The following PIEZO1 variants were observed in gnomAD, a reference collection of about 807,000 sequenced individuals.
PIEZO1 encodes piezo-type mechanosensitive ion channel component 1.
In PIEZO1, 296 loss-of-function variants were observed where a neutral mutation model predicts 297.2. That is an observed-to-expected ratio of 1.00 (90% CI 0.91 to 1.10). The LOEUF (loss-of-function observed/expected upper bound fraction) is 1.10, where lower values mean the gene tolerates loss of function less well. PIEZO1 is among the 50% of genes least tolerant of loss of function. The pLI is 0.00. For missense variants in PIEZO1, 5,018 were observed against 3,455.5 expected (o/e 1.45, Z -11.34); for synonymous variants, 2,427 against 1,507.5 (o/e 1.61, Z -14.13).
In PIEZO1 at chr16:88,717,128, G is replaced by A. The variant is rs1264046469; in HGVS notation, c.6555C>T (p.Ala2185=). The A allele has an allele frequency of 9.7e-6, 15 of 1,551,440 alleles. No individual in the cohort carries two copies. In the East Asian group the frequency reaches 3.4e-4, roughly 35 times the overall value. Residue 2185 remains alanine (A), a synonymous_variant, in exon 45 of 51, where the codon GCC becomes GCT. Coordinates refer to ENST00000301015, the MANE Select transcript of PIEZO1 (RefSeq NM_001142864.4). ...TGAAGAGCAGTGGGAACCAGATGATGGCGATGAGGAAGAGGATGATGAGGC... is the reference window on the plus strand; with the variant it reads ...TGAAGAGCAGTGGGAACCAGATGATAGCGATGAGGAAGAGGATGATGAGGC... ...MGGLIILFLI[A]IIWFPLLFMS...
chr16:88,775,123 G>A (rs1907599268), intron 1 of PIEZO1, among the ~76,000 whole-genome samples: 1 of 152,230 alleles, frequency 6.6e-6, no homozygotes, highest in Admixed American at 6.5e-5. Flanking sequence ...GAGGGGACCA[G>A]GGACTCCGGA....
In PIEZO1 at chr16:88,726,884, G is replaced by A. The variant is rs943836796; in HGVS notation, c.3530C>T (p.Thr1177Met). The change falls in exon 25 of 51, where the codon ACG becomes ATG. Residue 1177 changes from threonine (T) to methionine (M), a missense_variant. Thr to Met is a moderately conservative substitution (Grantham distance 81, BLOSUM62 -1). Transcript: ENST00000301015. ...FWLVLVVVFV[T>M]GATRISIFGL... Reference sequence around the variant, plus strand: ...GAAGATGCTGATGCGGGTGGCCCCCGTGACAAACACCACCACCAGCACCAG... The same window carrying A: ...GAAGATGCTGATGCGGGTGGCCCCCATGACAAACACCACCACCAGCACCAG... 2.3e-5 allele frequency: 35 copies of A among 1,550,274 alleles called. No individual in the cohort carries two copies. Among genetic ancestry groups the A allele is most frequent in the Non-Finnish European group, 2.5e-5 (29 of 1,146,932 alleles).
rs1309340833 is a variant in PIEZO1, at chr16:88,734,064, G to A, written c.2181-10C>T. On this transcript the variant is annotated splice_polypyrimidine_tract_variant and intron_variant, in intron 16 of 50. Coordinates refer to ENST00000301015, the MANE Select transcript of PIEZO1 (RefSeq NM_001142864.4). ...ACTCACTGCATCCTGCCTGGGAGAG[G>A]GTCCGAAAATGTCATCTCCCAACTG... The A allele has an allele frequency of 4.0e-6, 6 of 1,495,904 alleles. No individual in the cohort carries two copies. Among genetic ancestry groups the A allele is most frequent in the East Asian group, 2.5e-5 (1 of 40,108 alleles). The allele number at this position is 1,495,904 out of a possible 1,614,324, so 92.7% of individuals were successfully genotyped here.
At chr16:88,725,544 G>A (rs558991158) in intron 28 of PIEZO1, 25 bp from the exon 29 acceptor site, 32 of 1,535,560 alleles carry the variant, frequency 2.1e-5, no homozygotes, top group East Asian at 4.9e-5. Context: ...GGTGGGGTAT[G>A]CTGAGCATTG....
At position 88,732,743 on chromosome 16, in the gene PIEZO1, G is replaced by A. The variant is rs1051672760; in HGVS notation, c.2665-11C>T. 6 of 1,537,890 alleles carry A rather than the reference G, an allele frequency of 3.9e-6. No individual in the cohort carries two copies. In the African/African-American group the frequency reaches 4.1e-5, roughly 11 times the overall value. ...GCTGTTGGGGAAGGGCTGGCAAGAG[G>A]CCAGGCATCAGTGCCCCCTCCCAGG... On this transcript the variant is annotated splice_polypyrimidine_tract_variant and intron_variant, in intron 19 of 50. Transcript: ENST00000301015.
At chr16:88,734,290 C>T in intron 16 of PIEZO1, 66 bp downstream of exon 16, 2 of 1,395,934 alleles carry the variant, frequency 1.4e-6, no homozygotes, top group Non-Finnish European at 1.9e-6. Context: ...CAACTCCCAC[C>T]TGGCTCCCTC....
chr16:88,725,231 C>T (rs1320211386), intron 29 of PIEZO1, among the ~76,000 whole-genome samples, 151 bp from the exon 30 acceptor site: 1 of 152,174 alleles, frequency 6.6e-6, no homozygotes, highest in East Asian at 1.9e-4. Flanking sequence ...GGCTCAGAGC[C>T]CATGTGCGTG....
chr16:88,732,574 C>T (rs1323327582), intron 20 of PIEZO1, 33 bp downstream of exon 20: 3 of 1,543,194 alleles, frequency 1.9e-6, no homozygotes, highest in South Asian at 1.2e-5. Context: ...CGGGTACTCG[C>T]CCGCCCAGCC....
Position 88,720,496 on chromosome 16 carries a change from G to C in PIEZO1, c.5838C>G (p.Phe1946Leu). 1 of 1,550,334 alleles carries C rather than the reference G, an allele frequency of 6.5e-7. No homozygotes were observed. Among genetic ancestry groups the C allele is most frequent in the Non-Finnish European group, 8.7e-7 (1 of 1,146,976 alleles). Residue 1946 changes from phenylalanine to leucine, a missense_variant, in exon 41 of 51, where the codon TTC (phenylalanine) becomes TTG (leucine). Coordinates refer to ENST00000301015, the MANE Select transcript of PIEZO1 (RefSeq NM_001142864.4). ...QGTYRPLRRF[F>L]HDILHTKYRA... is the part of the protein sequence containing the mutation. ...GGTACTTGGTGTGCAGGATGTCGTG[G>C]AAGAAGCGCCGTAGCGGCCGATATG...
At position 88,727,409 on chromosome 16, in the gene PIEZO1, TGC is replaced by T. The variant is rs1271183874; in HGVS notation, c.3301+146_3301+147del. The T allele has an allele frequency of 6.2e-6, 4 of 647,534 alleles. No homozygotes were observed. The African/African-American group carries it at 7.5e-5, about 12-fold the overall frequency. The allele number at this position is 647,534 out of a possible 1,614,324, so 40.1% of individuals were successfully genotyped here. ...GCACACAGGCTGAGGTCTGCGTGCG[TGC>T]GTGCGAGGTCAGGGCCTGCAGGCCG... On this transcript the variant is annotated intron_variant, in intron 23 of 50. Transcript: ENST00000301015.
At chr16:88,771,382 G>A (rs780331418) in intron 1 of PIEZO1, among the ~76,000 whole-genome samples, 20 of 152,272 alleles carry the variant, frequency 1.3e-4, no homozygotes, top group Middle Eastern at 3.4e-3. Context: ...CTAGGAGTGC[G>A]GCGACAACAA....
chr16:88,783,227 G>T (rs1908016097), intron 1 of PIEZO1, among the ~76,000 whole-genome samples: 1 of 152,162 alleles, frequency 6.6e-6, no homozygotes, highest in South Asian at 2.1e-4. Flanking sequence ...CAGGCCCCCT[G>T]ACCAATGCCC....
Position 88,742,306 on chromosome 16 carries a change from GT to G in PIEZO1, c.276del (p.Ser94AlafsTer12). 4 of 1,533,204 alleles carry G rather than the reference GT, an allele frequency of 2.6e-6. No individual in the cohort carries two copies. Among genetic ancestry groups the G allele is most frequent in the Non-Finnish European group, 3.5e-6 (4 of 1,145,374 alleles). 95.0% of individuals were successfully genotyped at this position (1,533,204 alleles called of 1,614,324 possible). ...HIVPRLDQLL[G>X]PSCSRWETLS... ...CGCCCCCTCAGCGACTCACAGCTGG[GT>G]CCCAGGAGCTGGTCCAGGCGGGGCA... On this transcript the variant is annotated frameshift_variant, in exon 3 of 51. Transcript: ENST00000301015. LOFTEE classifies it high-confidence loss of function.
intron 1 of PIEZO1, among the ~76,000 whole-genome samples, chr16:88,755,697 C>T (rs1001241748): frequency 4.6e-5 from 7 of 152,184 alleles, no homozygotes; most frequent in Admixed American, 1.3e-4. Flanking sequence ...CGAACGGTGG[C>T]GCCTACCCTC....
Position 88,715,507 on chromosome 16 carries a change from G to A in PIEZO1, c.*98C>T. On this transcript the variant is annotated 3_prime_UTR_variant, in exon 51 of 51. Coordinates refer to ENST00000301015, the MANE Select transcript of PIEZO1 (RefSeq NM_001142864.4). ...GGATGCATCACAGCTGGCGGCCTTG[G>A]ACGGGGCAGTGGCTCCCCCGGCCTG... 1 of 1,283,198 alleles carries A rather than the reference G, an allele frequency of 7.8e-7. No individual in the cohort carries two copies. The allele number at this position is 1,283,198 out of a possible 1,614,324, so 79.5% of individuals were successfully genotyped here. A position where few individuals can be genotyped will look rare whatever the true frequency, so the allele number is the denominator to read the frequency against.
At chr16:88,726,258 T>A (rs191375467) in intron 27 of PIEZO1, 26 bp downstream of exon 27, 75 of 1,533,684 alleles carry the variant, frequency 4.9e-5, no homozygotes. Context: ...ACGGGAGCTC[T>A]GGGCTGTGTC....
At chr16:88,750,179 T>C (rs1294747665) in intron 1 of PIEZO1, among the ~76,000 whole-genome samples, 1 of 151,080 alleles carries the variant, frequency 6.6e-6, no homozygotes, top group Non-Finnish European at 1.5e-5. Flanking sequence ...GACAAAAAAA[T>C]ACAAAAATTA....
chr16:88,733,734 A>G lies in PIEZO1; in HGVS notation c.2341T>C (p.Trp781Arg). The G allele has an allele frequency of 1.3e-6, 2 of 1,544,802 alleles. No individual in the cohort carries two copies. The highest frequency in any genetic ancestry group is 1.7e-6 in the Non-Finnish European group (2 of 1,143,878). The part of the protein sequence containing the change: ...ATQVPEGAAK[W>R]GLVAERLLEL... ...AGCAGCCGCTCAGCCACCAGGCCCCACTTGGCTGCCCCTGTGATGGTGTGA... is the reference window on the plus strand; with the variant it reads ...AGCAGCCGCTCAGCCACCAGGCCCCGCTTGGCTGCCCCTGTGATGGTGTGA... The change falls in exon 18 of 51, where the codon TGG (tryptophan) becomes CGG (arginine). Residue 781 changes from tryptophan to arginine, a missense_variant. Trp to Arg is a moderately radical substitution (Grantham distance 101). Transcript: ENST00000301015.
Position 88,719,797 on chromosome 16 carries a change from C to T in PIEZO1, c.6323+5G>A. On this transcript the variant is annotated splice_donor_5th_base_variant and intron_variant, in intron 43 of 50. Coordinates refer to ENST00000301015, the MANE Select transcript of PIEZO1 (RefSeq NM_001142864.4). Reference sequence around the variant, plus strand: ...TGACCCCCACCCCGGCGGACCTGCACTCACCCCTGGAAGAGGAAGAGGTTG... The same window carrying T: ...TGACCCCCACCCCGGCGGACCTGCATTCACCCCTGGAAGAGGAAGAGGTTG... 2 of 1,550,458 alleles carry T rather than the reference C, an allele frequency of 1.3e-6. No individual in the cohort carries two copies. The highest frequency in any genetic ancestry group is 1.7e-6 in the Non-Finnish European group (2 of 1,146,932).
Sources: allele counts gnomAD v4.1 joint callset (sites outside exome capture counted in the v4.1 genomes callset), GRCh38; gene constraint gnomAD v4.1.1; transcripts MANE v1.5; gene names NCBI Gene and HGNC (gene_info 2026-07-23, HGNC 2026-07-21).